CLASP1: variants seen among roughly 807,000 people sequenced by gnomAD.
CLASP1 encodes the protein cytoplasmic linker associated protein 1.
CLASP1 carries 38 observed loss-of-function variants against 192.3 expected under a neutral mutation model. The observed-to-expected ratio is 0.20, with a 90% CI of 0.15 to 0.26. The LOEUF is 0.26. CLASP1 is among the 10% of genes least tolerant of loss of function. The pLI is 1.00. For synonymous variants in CLASP1, 691 were observed against 712.8 expected, an observed-to-expected ratio of 0.97 and a Z score of 0.49; for missense variants, 1,433 against 1,932.5, an observed-to-expected ratio of 0.74 and a Z score of 4.85.
intron 1 of CLASP1, among the ~76,000 whole-genome samples, chr2:121,624,544 G>A (rs1276152247): frequency 6.6e-6 from 1 of 152,084 alleles, no homozygotes; most frequent in African/African-American, 2.4e-5. Context: ...AGCCTCCCAA[G>A]TAGCTGGGAT....
intron 38 of CLASP1, among the ~76,000 whole-genome samples, chr2:121,348,128 G>A (rs918248392): frequency 6.6e-6 from 1 of 152,056 alleles, no homozygotes; most frequent in African/African-American, 2.4e-5. Context: ...GTTTCAGTAA[G>A]TATTTGTGTG....
intron 1 of CLASP1, among the ~76,000 whole-genome samples, chr2:121,636,522 G>C (rs1170519811): frequency 6.6e-6 from 1 of 150,380 alleles, no homozygotes; most frequent in Non-Finnish European, 1.5e-5. Context: ...AAAATTAGCA[G>C]GGTGAGGTGG....
chr2:121,528,533 T>C (rs748991187), intron 4 of CLASP1, 144 bp downstream of exon 4: 9 of 659,546 alleles, frequency 1.4e-5, no homozygotes, highest in African/African-American at 5.4e-5. Context: ...GGGAAACAGA[T>C]TGAATGCTGT....
chr2:121,552,893 A>T (rs1200403805), intron 2 of CLASP1, among the ~76,000 whole-genome samples: 1 of 152,224 alleles, frequency 6.6e-6, no homozygotes, highest in Non-Finnish European at 1.5e-5. Context: ...ATGCATGTGT[A>T]TGTTAATTGC....
chr2:121,520,947 C>T (rs549485656), intron 6 of CLASP1, among the ~76,000 whole-genome samples: 18 of 152,238 alleles, frequency 1.2e-4, no homozygotes, highest in South Asian at 2.1e-4. Flanking sequence ...CACAGGGGCA[C>T]GGAATGCAAC....
intron 1 of CLASP1, among the ~76,000 whole-genome samples, chr2:121,613,407 C>T (rs1287906664): frequency 1.3e-5 from 2 of 152,202 alleles, no homozygotes; most frequent in African/African-American, 4.8e-5. Context: ...AATGGACCAA[C>T]TCTGCTGCAG....
At chr2:121,478,900 CCACACCACA>C (rs1333867810) in intron 8 of CLASP1, among the ~76,000 whole-genome samples, 2,471 of 58,446 alleles carry the variant, frequency 0.042, 284 homozygotes, top group African/African-American at 0.19. Flanking sequence ...CACACACACA[CCACACCACA>C]CACACCACAC....
intron 1 of CLASP1, among the ~76,000 whole-genome samples, chr2:121,644,968 A>T (rs6541791): frequency 0.22 from 32,929 of 146,654 alleles, 5,572 homozygotes; most frequent in African/African-American, 0.47. Flanking sequence ...AAAAAAAACA[A>T]AAAAAAAAAA....
intron 2 of CLASP1, chr2:121,531,014 A>C: frequency 2.9e-6 from 2 of 700,106 alleles, no homozygotes; most frequent in East Asian, 2.7e-5. Context: ...AAAAATGAAA[A>C]CCTGTTTTCA....
At chr2:121,434,086 A>G (rs1310422964) in intron 19 of CLASP1, among the ~76,000 whole-genome samples, 1 of 152,190 alleles carries the variant, frequency 6.6e-6, no homozygotes, top group Non-Finnish European at 1.5e-5. Flanking sequence ...GGGTGGGAAT[A>G]GAACAATGAA....
At chr2:121,502,967 T>C (rs2093808912) in intron 8 of CLASP1, among the ~76,000 whole-genome samples, 200 bp downstream of exon 8, 2 of 152,282 alleles carry the variant, frequency 1.3e-5, no homozygotes, top group East Asian at 1.9e-4. Context: ...GATTCGCTAA[T>C]AAATTCAATA....
chr2:121,518,605 T>C (rs1342606106), intron 6 of CLASP1, among the ~76,000 whole-genome samples: 1 of 152,100 alleles, frequency 6.6e-6, no homozygotes, highest in Non-Finnish European at 1.5e-5. Context: ...CGGTGGCTCA[T>C]GCCTGTAATC....
chr2:121,607,892 C>T (rs2064658595), intron 1 of CLASP1, among the ~76,000 whole-genome samples: 1 of 152,294 alleles, frequency 6.6e-6, no homozygotes, highest in South Asian at 2.1e-4. Context: ...GAATCATATA[C>T]ATCAAGTCAT....
intron 2 of CLASP1, among the ~76,000 whole-genome samples, chr2:121,557,375 G>T (rs2058660475): frequency 6.6e-6 from 1 of 152,148 alleles, no homozygotes; most frequent in African/African-American, 2.4e-5. Flanking sequence ...CACAAGGTCA[G>T]GAGTTCGAGA....
intron 7 of CLASP1, among the ~76,000 whole-genome samples, chr2:121,504,633 G>A (rs1167644540): frequency 6.6e-6 from 1 of 152,166 alleles, no homozygotes; most frequent in Non-Finnish European, 1.5e-5. Flanking sequence ...TGCCCATTAT[G>A]TGCCCAACAC....
chr2:121,614,616 G>A (rs1374326861), intron 1 of CLASP1, among the ~76,000 whole-genome samples: 1 of 152,182 alleles, frequency 6.6e-6, no homozygotes, highest in Non-Finnish European at 1.5e-5. Context: ...TGTACTCAAT[G>A]GGTATTTGTA....
chr2:121,531,368 G>A (rs1475859396), intron 2 of CLASP1, among the ~76,000 whole-genome samples: 1 of 152,186 alleles, frequency 6.6e-6, no homozygotes. Flanking sequence ...GGCCGAGGGG[G>A]GCGGATCACG....
Position 121,369,678 on chromosome 2 carries a change from C to T in CLASP1, c.3643-1847G>A, listed in dbSNP as rs545833309. Among the ~76,000 whole-genome samples the T allele has an allele frequency of 1.1e-3, 173 of 152,316 alleles. 1 individual carries two copies. Among genetic ancestry groups the T allele is most frequent in the Middle Eastern group, 6.8e-3 (2 of 294 alleles). On this transcript the variant is annotated intron_variant, in intron 34 of 39. Transcript: ENST00000263710. ...CTTCTGTTTTCCTTTCCCTACAGTG[C>T]AAGCACTTCCCGTGTGGATGAAGTT...
chr2:121,500,350 AAGAAAG>A (rs1161366985), intron 8 of CLASP1, among the ~76,000 whole-genome samples: 9 of 79,662 alleles, frequency 1.1e-4, no homozygotes, highest in African/African-American at 2.2e-4. Context: ...AAGAAAAAGA[AAGAAAG>A]AAAGAAAGAA....
Sources: gnomAD v4.1 joint callset for allele counts (sites outside exome capture counted in the v4.1 genomes callset) on GRCh38, gnomAD v4.1.1 for gene constraint, MANE v1.5 for transcripts, NCBI Gene and HGNC (gene_info 2026-07-23, HGNC 2026-07-21) for gene names.